DDX19B: variants seen among roughly 807,000 people sequenced by gnomAD.
DDX19B encodes ATP-dependent RNA helicase DDX19B.
A neutral mutation model predicts 58.1 loss-of-function variants in DDX19B; 27 were observed. The ratio of observed to expected loss-of-function variants is 0.46; its 90% confidence interval spans 0.34 to 0.64. The LOEUF (loss-of-function observed/expected upper bound fraction) is 0.64. Among genes scored for constraint, DDX19B ranks in the 30% least tolerant of loss-of-function variants. The pLI, the probability that DDX19B is intolerant of heterozygous loss-of-function variation, is 0.01. For synonymous variants in DDX19B, 187 were observed against 214.4 expected (o/e 0.87, Z 1.12); for missense variants, 399 against 596.5 (o/e 0.67, Z 3.45).
chr16:70,309,556 A>C (rs1484320831), intron 1 of DDX19B, among the ~76,000 whole-genome samples: 1 of 150,760 alleles, frequency 6.6e-6, no homozygotes, highest in Non-Finnish European at 1.5e-5. Flanking sequence ...GCAGTGGCTT[A>C]CGCCTGTAAT....
chr16:70,307,615 G>A (rs918707299), intron 1 of DDX19B, among the ~76,000 whole-genome samples: 19 of 151,632 alleles, frequency 1.3e-4, no homozygotes, highest in African/African-American at 4.4e-4. Context: ...CATCCATCTC[G>A]GCCTCCCAAA....
At chr16:70,295,045 T>C, upstream of DDX19B, 1 of 1,303,718 alleles carries the variant, frequency 7.7e-7, no homozygotes, top group Non-Finnish European at 9.8e-7. Context: ...AGCCTTGTGA[T>C]CTAGAATCCG....
In DDX19B at chr16:70,329,142, G is replaced by C. The variant is rs60523557; in HGVS notation, c.608-150G>C. 16,600 of 1,050,910 alleles carry C rather than the reference G, an allele frequency of 0.016. 1,914 individuals carry two copies. In the African/African-American group the frequency reaches 0.25, roughly 16 times the overall value. The allele number at this position is 1,050,910 out of a possible 1,614,324, so 65.1% of individuals were successfully genotyped here. A position where few individuals can be genotyped will look rare whatever the true frequency, so the allele number is the denominator to read the frequency against. ...GGAGGCTGAGGCAGGAGAATCGCTTGAACCTGGGCGGCAGAGGTTGCAGTG... is the reference window on the plus strand; with the variant it reads ...GGAGGCTGAGGCAGGAGAATCGCTTCAACCTGGGCGGCAGAGGTTGCAGTG... On this transcript the variant is annotated intron_variant, in intron 7 of 11. Transcript: ENST00000288071.
intron 5 of DDX19B, among the ~76,000 whole-genome samples, chr16:70,318,578 C>T (rs1597484282): frequency 2.8e-5 from 4 of 144,982 alleles, no homozygotes; most frequent in Admixed American, 2.1e-4. Flanking sequence ...GATCACCTGA[C>T]GTCAGGAGTT....
intron 2 of DDX19B, among the ~76,000 whole-genome samples, chr16:70,314,445 G>A (rs1161526747): frequency 1.3e-5 from 2 of 152,006 alleles, no homozygotes; most frequent in Non-Finnish European, 1.5e-5. Context: ...GGCGGATCAC[G>A]AGGTCAAGAG....
upstream of DDX19B, among the ~76,000 whole-genome samples, chr16:70,291,986 A>G (rs1356743785): frequency 1.3e-5 from 2 of 151,968 alleles, no homozygotes; most frequent in Non-Finnish European, 2.9e-5. Context: ...TGTTAAAAAA[A>G]AAAAATTCTT....
chr16:70,299,973 A>T (rs1961400221), intron 1 of DDX19B, among the ~76,000 whole-genome samples: 1 of 152,106 alleles, frequency 6.6e-6, no homozygotes, highest in Non-Finnish European at 1.5e-5. Flanking sequence ...TAAGCAAGAG[A>T]TGTGTTAAAC....
intron 11 of DDX19B, 32 bp from the exon 12 acceptor site, chr16:70,333,489 G>A: frequency 6.2e-7 from 1 of 1,613,964 alleles, no homozygotes; most frequent in South Asian, 1.1e-5. Flanking sequence ...ACATTCCTGG[G>A]CAGGGTAGAG....
upstream of DDX19B, among the ~76,000 whole-genome samples, chr16:70,296,170 A>G (rs1387930979): frequency 6.6e-6 from 1 of 151,788 alleles, no homozygotes; most frequent in African/African-American, 2.4e-5. Context: ...TGCTCAGCTG[A>G]TTTTTGTATT....
rs1203650444 is a variant in DDX19B at position 70,314,943 on chromosome 16, G to T, written c.148G>T (p.Glu50Ter). 2 of 1,608,916 alleles carry T rather than the reference G, an allele frequency of 1.2e-6. No individual in the cohort carries two copies. Among genetic ancestry groups the T allele is most frequent in the Non-Finnish European group, 1.7e-6 (2 of 1,176,626 alleles). Reference sequence around the variant, plus strand: ...CAATGCCAATGCAGAGAAGACAGATGAAGAAGAGAAAGGTAACACAGCCGT... The same window carrying T: ...CAATGCCAATGCAGAGAAGACAGATTAAGAAGAGAAAGGTAACACAGCCGT... ...KTNANAEKTD[E>*]EEKEDRAAQS... Residue 50 changes from glutamate (E) to a stop codon, truncating the protein, a stop_gained, in exon 3 of 12, where the codon GAA becomes TAA. Transcript: ENST00000288071. LOFTEE classifies it high-confidence loss of function.
chr16:70,322,918 C>T (rs986302638), intron 5 of DDX19B, among the ~76,000 whole-genome samples: 3 of 150,668 alleles, frequency 2.0e-5, no homozygotes, highest in African/African-American at 7.3e-5. Flanking sequence ...AAAAAAAGTC[C>T]CCATAAGGAA....
At chr16:70,300,875 C>T (rs1961454752) in intron 1 of DDX19B, among the ~76,000 whole-genome samples, 1 of 152,078 alleles carries the variant, frequency 6.6e-6, no homozygotes. Flanking sequence ...TCTTAATTGC[C>T]TTATGTTTAT....
chr16:70,304,888 T>C (rs936641781), intron 1 of DDX19B, among the ~76,000 whole-genome samples: 1 of 152,326 alleles, frequency 6.6e-6, no homozygotes, highest in East Asian at 1.9e-4. Flanking sequence ...TGTTCCTTTT[T>C]TACAGACAAT....
upstream of DDX19B, chr16:70,294,918 G>A (rs1298501763): frequency 7.9e-6 from 12 of 1,522,300 alleles, no homozygotes; most frequent in African/African-American, 4.1e-5. Context: ...TGTGGGCGAC[G>A]TGAGTATCTG....
chr16:70,289,790 A>T (rs890487016), upstream of DDX19B: 23 of 372,628 alleles, frequency 6.2e-5, 1 homozygote, highest in African/African-American at 5.3e-4. Context: ...GGAGGTCGAC[A>T]TTTTGGTTTC....
chr16:70,316,078 G>C lies in DDX19B; in HGVS notation c.270G>C (p.Ser90=). Residue 90 remains serine (S), a synonymous_variant, in exon 4 of 12, where the codon TCG becomes TCC. Transcript: ENST00000288071. ...LQRDPNSPLY[S]VKSFEELRLK... ...GGGATCCAAACTCCCCTCTGTACTC[G>C]GTGAAGTCTTTTGAAGAGCTTCGGC... 6.2e-7 allele frequency: 1 copy of C among 1,614,038 alleles called. No individual in the cohort carries two copies. Among genetic ancestry groups the C allele is most frequent in the Non-Finnish European group, 8.5e-7 (1 of 1,180,012 alleles).
chr16:70,334,414 C>T lies in DDX19B; in HGVS notation c.*832C>T, dbSNP rs1306202553. On this transcript the variant is annotated 3_prime_UTR_variant, in exon 12 of 12. Transcript: ENST00000288071. ...ATCCCTTTTACATCCTTAATATCCC[C>T]TTACCCCACAGTAGCCCCAAACAAA... is the stretch of plus-strand genomic sequence containing the variant. The T allele has an allele frequency of 1.3e-5, 2 of 152,096 alleles. No homozygotes were observed. The highest frequency in any genetic ancestry group is 2.4e-5 in the African/African-American group (1 of 41,400). 9.4% of individuals were successfully genotyped at this position (152,096 alleles called of 1,614,324 possible).
rs150237567 is a variant in DDX19B, at chr16:70,304,992, T to C, written c.57+5638T>C. 3.3e-5 allele frequency among the ~76,000 whole-genome samples: 5 copies of C among 152,282 alleles called. No homozygotes were observed. In the East Asian group the frequency reaches 9.6e-4, roughly 29 times the overall value. On this transcript the variant is annotated intron_variant, in intron 1 of 11. Transcript: ENST00000288071. ...CAGTCTCTGTTTCATGTGAGGCGTG[T>C]TTTATCCATATATTTCAGTGTCTAC...
intron 4 of DDX19B, 47 bp downstream of exon 4, chr16:70,316,151 G>A: frequency 1.2e-6 from 2 of 1,611,160 alleles, no homozygotes. Flanking sequence ...CACTGAAATA[G>A]AGATCCTAGG....
Sources: gnomAD v4.1 joint callset for allele counts (sites outside exome capture counted in the v4.1 genomes callset) on GRCh38, gnomAD v4.1.1 for gene constraint, MANE v1.5 for transcripts, NCBI Gene and HGNC (gene_info 2026-07-23, HGNC 2026-07-21) for gene names.